FSHR: variants seen among roughly 807,000 people sequenced by gnomAD.
FSHR encodes the protein follicle stimulating hormone receptor.
In FSHR, 46 loss-of-function variants were observed where a neutral mutation model predicts 52.1. The observed-to-expected ratio is 0.88, with a 90% CI of 0.70 to 1.13. The LOEUF (loss-of-function observed/expected upper bound fraction) is 1.13, where lower values mean the gene tolerates loss of function less well. Among genes scored for constraint, FSHR ranks in the 50% most tolerant of loss-of-function variants. The pLI, the probability that FSHR is intolerant of heterozygous loss-of-function variation, is 0.00. For synonymous variants in FSHR, 399 were observed against 309.6 expected, an observed-to-expected ratio of 1.29 and a Z score of -3.03; for missense variants, 964 against 834.6, an observed-to-expected ratio of 1.16 and a Z score of -1.91.
chr2:49,148,566 T>C (rs1397444621), intron 1 of FSHR, among the ~76,000 whole-genome samples: 1 of 151,804 alleles, frequency 6.6e-6, no homozygotes, highest in Non-Finnish European at 1.5e-5. Context: ...TTCACTACAG[T>C]TGAGGAAATA....
At chr2:49,108,127 A>T (rs2103744506) in intron 1 of FSHR, among the ~76,000 whole-genome samples, 1 of 152,230 alleles carries the variant, frequency 6.6e-6, no homozygotes, top group Admixed American at 6.5e-5. Context: ...GTTGAGGAGG[A>T]TAAATTCATC....
Position 49,063,478 on chromosome 2 carries a change from C to T in FSHR, c.224+4741G>A, listed in dbSNP as rs143904365. Among the ~76,000 whole-genome samples the T allele has an allele frequency of 1.8e-4, 28 of 151,990 alleles. No homozygotes were observed. The East Asian group carries it at 5.4e-3, about 29-fold the overall frequency. On this transcript the variant is annotated intron_variant, in intron 2 of 9. Coordinates refer to ENST00000406846, the MANE Select transcript of FSHR (RefSeq NM_000145.4). ...TGTGACACACACTCACAATGGAATA[C>T]TATTTAGTGATGAAAGGGAGCAAAA... is the stretch of plus-strand genomic sequence containing the variant.
At chr2:49,145,927 G>A (rs534770147) in intron 1 of FSHR, among the ~76,000 whole-genome samples, 1 of 152,160 alleles carries the variant, frequency 6.6e-6, no homozygotes, top group South Asian at 2.1e-4. Context: ...TTGAGTAGGG[G>A]AATATAAAAC....
intron 2 of FSHR, among the ~76,000 whole-genome samples, chr2:49,043,472 A>G (rs1207643257): frequency 6.6e-6 from 1 of 152,208 alleles, no homozygotes; most frequent in Non-Finnish European, 1.5e-5. Context: ...TCTGGTTCCC[A>G]TGAGCCAAAC....
At chr2:49,109,182 G>A (rs188821051) in intron 1 of FSHR, among the ~76,000 whole-genome samples, 53 of 152,246 alleles carry the variant, frequency 3.5e-4, no homozygotes, top group Non-Finnish European at 3.1e-4. Context: ...CCAGAAAGAT[G>A]AGCAGTGTGT....
intron 1 of FSHR, among the ~76,000 whole-genome samples, chr2:49,085,526 G>A (rs1306322698): frequency 6.6e-6 from 1 of 152,182 alleles, no homozygotes; most frequent in Non-Finnish European, 1.5e-5. Context: ...TTCCAACTAT[G>A]TGGTCAATTT....
chr2:49,150,927 A>T (rs1362435433), intron 1 of FSHR, among the ~76,000 whole-genome samples: 1 of 152,134 alleles, frequency 6.6e-6, no homozygotes, highest in Non-Finnish European at 1.5e-5. Flanking sequence ...ACATGGTTGA[A>T]AAAAATCAAA....
intron 8 of FSHR, among the ~76,000 whole-genome samples, chr2:48,971,165 T>A (rs1002198105): frequency 2.6e-5 from 4 of 152,128 alleles, no homozygotes; most frequent in Admixed American, 1.3e-4. Context: ...TTCTCCCACA[T>A]CCATGTTATG....
chr2:49,061,927 C>G (rs1157760108), intron 2 of FSHR, among the ~76,000 whole-genome samples: 1 of 149,264 alleles, frequency 6.7e-6, no homozygotes, highest in Non-Finnish European at 1.5e-5. Context: ...GTTATTAATC[C>G]TAAAGGAAGA....
At chr2:48,994,273 G>C (rs1675920156) in intron 4 of FSHR, among the ~76,000 whole-genome samples, 1 of 152,134 alleles carries the variant, frequency 6.6e-6, no homozygotes, top group South Asian at 2.1e-4. Flanking sequence ...TTATATAATT[G>C]AAAGAATGAA....
At chr2:49,118,246 C>A (rs1215057696) in intron 1 of FSHR, among the ~76,000 whole-genome samples, 1 of 152,002 alleles carries the variant, frequency 6.6e-6, no homozygotes, top group African/African-American at 2.4e-5. Context: ...AGGAAAGGAG[C>A]AAGGAGGGGG....
intron 4 of FSHR, among the ~76,000 whole-genome samples, chr2:49,015,338 A>G (rs1256324630): frequency 5.3e-5 from 8 of 152,226 alleles, no homozygotes; most frequent in African/African-American, 1.7e-4. Flanking sequence ...AATCGGCAGC[A>G]TAATTATTCA....
At chr2:49,054,933 T>A (rs1195048259) in intron 2 of FSHR, among the ~76,000 whole-genome samples, 2 of 152,094 alleles carry the variant, frequency 1.3e-5, no homozygotes, top group Non-Finnish European at 2.9e-5. Context: ...GGTGACTGTT[T>A]GACCAGATGC....
intron 2 of FSHR, among the ~76,000 whole-genome samples, chr2:49,021,878 TATATATATAGAGAG>T (rs1272639420): frequency 1.5e-4 from 9 of 60,850 alleles, no homozygotes; most frequent in African/African-American, 6.2e-4. Context: ...TATATATATA[TATATATATAGAGAG>T]AGAGAGAGAG....
At position 48,984,221 on chromosome 2, in the gene FSHR, TA is replaced by T. The variant is rs563208318; in HGVS notation, c.525-1056del. 3.7e-4 allele frequency among the ~76,000 whole-genome samples: 57 copies of T among 152,198 alleles called. 2 individuals are homozygous for T. The South Asian group carries it at 0.011, about 30-fold the overall frequency. On this transcript the variant is annotated intron_variant, in intron 6 of 9. Transcript: ENST00000406846. ...TTCCTCCTCTTGAAAACCAATTACCTAAAAAAATCCAGAAAGGGGCGAGGCA... is the reference window on the plus strand; with the variant it reads ...TTCCTCCTCTTGAAAACCAATTACCTAAAAAATCCAGAAAGGGGCGAGGCA...
intron 1 of FSHR, among the ~76,000 whole-genome samples, chr2:49,104,248 A>G (rs774115895): frequency 6.6e-6 from 1 of 152,140 alleles, no homozygotes; most frequent in Non-Finnish European, 1.5e-5. Context: ...CAGTCTGATT[A>G]GATTAAAAGG....
intron 6 of FSHR, among the ~76,000 whole-genome samples, chr2:48,985,995 G>A (rs1675494620): frequency 6.6e-6 from 1 of 151,928 alleles, no homozygotes; most frequent in Non-Finnish European, 1.5e-5. Context: ...TTACAGGCGT[G>A]AGCCACCGCG....
At chr2:49,103,691 G>A (rs974895) in intron 1 of FSHR, among the ~76,000 whole-genome samples, 33,903 of 151,962 alleles carry the variant, frequency 0.22, 3,811 homozygotes, top group East Asian at 0.29. Flanking sequence ...AGGAAAGAGA[G>A]GGGAAAAGTC....
intron 1 of FSHR, among the ~76,000 whole-genome samples, chr2:49,127,832 C>CTTTTT (rs1558456700): frequency 1.3e-4 from 1 of 7,936 alleles, no homozygotes; most frequent in Non-Finnish European, 1.9e-4. Context: ...TCTTCTTCCT[C>CTTTTT]TTCTTCTTCT....
Sources: gnomAD v4.1 joint callset for allele counts (sites outside exome capture counted in the v4.1 genomes callset) on GRCh38, gnomAD v4.1.1 for gene constraint, MANE v1.5 for transcripts, NCBI Gene and HGNC (gene_info 2026-07-23, HGNC 2026-07-21) for gene names.